NBPF3: variants seen among roughly 807,000 people sequenced by gnomAD.
NBPF3 encodes NBPF member 3, also known as NBPF family member NBPF3.
In NBPF3, 57 loss-of-function variants were observed where a neutral mutation model predicts 78.1. The ratio of observed to expected loss-of-function variants is 0.73; its 90% CI spans 0.59 to 0.91. The LOEUF (loss-of-function observed/expected upper bound fraction) is 0.91, where lower values mean the gene tolerates loss of function less well. Among genes scored for constraint, NBPF3 ranks in the 40% least tolerant of loss-of-function variants. The probability of loss-of-function intolerance (pLI) is 0.00; values close to 1 mark genes in which losing one functional copy is unlikely to be tolerated. For missense variants in NBPF3, 510 were observed against 715.3 expected, an observed-to-expected ratio of 0.71 and a Z score of 3.27; for synonymous variants, 182 against 271.7, an observed-to-expected ratio of 0.67 and a Z score of 3.25.
Position 21,484,323 on chromosome 1 carries a change from C to T in NBPF3, c.*937C>T, listed in dbSNP as rs1337499409. 5 of 141,980 alleles carry T rather than the reference C, an allele frequency of 3.5e-5. No individual in the cohort carries two copies. The highest frequency in any genetic ancestry group is 3.5e-3 in the Middle Eastern group (1 of 286). The allele number at this position is 141,980 out of a possible 1,614,324, so 8.8% of individuals were successfully genotyped here. A position where few individuals can be genotyped will look rare whatever the true frequency, so the allele number is the denominator to read the frequency against. On this transcript the variant is annotated 3_prime_UTR_variant, in exon 15 of 15. Transcript: ENST00000318249. Reference sequence around the variant, plus strand: ...CTACATTTCTTTAGTTATTTTGAACCCCAAATATTTCCTCATCTTTTTGTT... The same window carrying T: ...CTACATTTCTTTAGTTATTTTGAACTCCAAATATTTCCTCATCTTTTTGTT...
At position 21,480,326 on chromosome 1, in the gene NBPF3, C is replaced by A. The variant is rs573896206; in HGVS notation, c.1381+103C>A. Reference sequence around the variant, plus strand: ...CTTATTGACCCGAGAGATGTCATTGCCACAGGCAGGACCCGTGGGCGCATA... The same window carrying A: ...CTTATTGACCCGAGAGATGTCATTGACACAGGCAGGACCCGTGGGCGCATA... On this transcript the variant is annotated intron_variant, in intron 11 of 14. Transcript: ENST00000318249. 29 of 618,130 alleles carry A rather than the reference C, an allele frequency of 4.7e-5. 1 individual carries two copies. The African/African-American group carries it at 4.7e-4, about 10-fold the overall frequency. The allele number at this position is 618,130 out of a possible 1,614,324, so 38.3% of individuals were successfully genotyped here.
intron 1 of NBPF3, among the ~76,000 whole-genome samples, chr1:21,441,149 GTGT>G (rs1369592351): frequency 2.6e-5 from 4 of 152,214 alleles, no homozygotes; most frequent in Non-Finnish European, 4.4e-5. Flanking sequence ...TTGGGTTACG[GTGT>G]TGTTCATCCT....
chr1:21,438,357 AC>A (rs1205525816), upstream of NBPF3, among the ~76,000 whole-genome samples: 1 of 151,526 alleles, frequency 6.6e-6, no homozygotes, highest in African/African-American at 2.4e-5. Flanking sequence ...CAGGTGATCC[AC>A]CCGCTTCGGC....
At position 21,460,256 on chromosome 1, in the gene NBPF3, GA is replaced by G. The variant is rs980097036; in HGVS notation, c.134-8431del. Among the ~76,000 whole-genome samples the G allele has an allele frequency of 2.0e-5, 3 of 152,158 alleles. No homozygotes were observed. The highest frequency in any genetic ancestry group is 7.2e-5 in the African/African-American group (3 of 41,430). On this transcript the variant is annotated intron_variant, in intron 2 of 14. Coordinates refer to ENST00000318249, the MANE Select transcript of NBPF3 (RefSeq NM_032264.6). This position sits in a 1 kb window ranked among gnomAD's most constrained non-coding sequence, Gnocchi z 4.2. ...ATATTTATTATACTTTAAGTTCTAGGATACTTGTGCACAACGTGCAGGTTTG... is the reference window on the plus strand; with the variant it reads ...ATATTTATTATACTTTAAGTTCTAGGTACTTGTGCACAACGTGCAGGTTTG...
chr1:21,465,472 A>G (rs966155800), intron 2 of NBPF3, among the ~76,000 whole-genome samples: 2 of 152,260 alleles, frequency 1.3e-5, no homozygotes, highest in Admixed American at 6.5e-5. Context: ...GCTGCATCAC[A>G]TCATTCCAAA....
intron 3 of NBPF3, among the ~76,000 whole-genome samples, chr1:21,469,598 G>A (rs1450474172): frequency 3.3e-5 from 5 of 152,078 alleles, no homozygotes; most frequent in Non-Finnish European, 7.4e-5. Context: ...GGTGGCGGGC[G>A]CCTGTAATCC....
intron 2 of NBPF3, among the ~76,000 whole-genome samples, chr1:21,459,434 C>CT (rs1351978902): frequency 6.6e-6 from 1 of 152,110 alleles, no homozygotes; most frequent in Non-Finnish European, 1.5e-5. Flanking sequence ...TTAGTAGAAT[C>CT]TTTTTTATTC....
rs112045051 is a variant in NBPF3, at chr1:21,449,202, G to A, written c.133+3983G>A. ...TATATTTACATTTTCATGTGTTTGG[G>A]ACTTTATATAGTGGACTATTGTGTT... On this transcript the variant is annotated intron_variant, in intron 2 of 14. Transcript: ENST00000318249. 1.7e-3 allele frequency among the ~76,000 whole-genome samples: 260 copies of A among 152,180 alleles called. 1 individual carries two copies. Among genetic ancestry groups the A allele is most frequent in the Non-Finnish European group, 2.6e-3 (174 of 68,004 alleles).
At position 21,473,597 on chromosome 1, in the gene NBPF3, T is replaced by A; in HGVS notation, c.940+12T>A. The A allele has an allele frequency of 6.2e-7, 1 of 1,608,796 alleles. No individual in the cohort carries two copies. The highest frequency in any genetic ancestry group is 1.7e-5 in the Admixed American group (1 of 60,020). ...ATGCATTATCCCAGGTAGCCTCTAT[T>A]TTCCTGTGTCTCACACCTTTTCCTA... On this transcript the variant is annotated intron_variant, in intron 7 of 14. Transcript: ENST00000318249.
At chr1:21,459,218 A>C (rs1272079963) in intron 2 of NBPF3, among the ~76,000 whole-genome samples, 1 of 152,218 alleles carries the variant, frequency 6.6e-6, no homozygotes, top group Non-Finnish European at 1.5e-5. Context: ...AGCTAATTTC[A>C]AAATATATTT....
At chr1:21,463,296 G>A (rs12070706) in intron 2 of NBPF3, among the ~76,000 whole-genome samples, 7,067 of 152,166 alleles carry the variant, frequency 0.046, 417 homozygotes, top group African/African-American at 0.14. Context: ...CAACTGGGTC[G>A]GGTTAAGGCC....
chr1:21,479,386 G>A lies in NBPF3; in HGVS notation c.1194G>A (p.Glu398=). 6.2e-7 allele frequency: 1 copy of A among 1,611,026 alleles called. No individual in the cohort carries two copies. Among genetic ancestry groups the A allele is most frequent in the Non-Finnish European group, 8.5e-7 (1 of 1,178,482 alleles). The change falls in exon 10 of 15, where the codon GAG becomes GAA. Residue 398 remains glutamate, a synonymous_variant. Coordinates refer to ENST00000318249, the MANE Select transcript of NBPF3 (RefSeq NM_032264.6). The part of the protein sequence containing the change: ...WCDQVKKEDQ[E]ATSPRLSREL... Reference sequence around the variant, plus strand: ...ATCAAGTGAAAAAGGAGGACCAAGAGGCCACAAGTCCCAGGTGAGTCTGAG... The same window carrying A: ...ATCAAGTGAAAAAGGAGGACCAAGAAGCCACAAGTCCCAGGTGAGTCTGAG...
chr1:21,457,852 C>T (rs1460188917), intron 2 of NBPF3, among the ~76,000 whole-genome samples: 2 of 152,116 alleles, frequency 1.3e-5, no homozygotes, highest in Non-Finnish European at 2.9e-5. Context: ...GGCCCAGTAA[C>T]GAGATGCAGA....
intron 1 of NBPF3, among the ~76,000 whole-genome samples, chr1:21,442,771 C>T (rs1225532492): frequency 6.6e-6 from 1 of 152,040 alleles, no homozygotes; most frequent in Non-Finnish European, 1.5e-5. Flanking sequence ...AAGTGATCCT[C>T]CCACCTCAGC....
chr1:21,458,831 G>T (rs1376969742), intron 2 of NBPF3, among the ~76,000 whole-genome samples: 1 of 152,224 alleles, frequency 6.6e-6, no homozygotes, highest in Non-Finnish European at 1.5e-5. Flanking sequence ...GGTTGTGGCA[G>T]TAGTTCCATT....
chr1:21,438,582 G>C (rs1407962621), upstream of NBPF3, among the ~76,000 whole-genome samples: 1 of 152,206 alleles, frequency 6.6e-6, no homozygotes, highest in African/African-American at 2.4e-5. Context: ...AGTGCTCACT[G>C]AATGTTAGCT....
At chr1:21,479,911 A>G in intron 10 of NBPF3, 140 bp from the exon 11 acceptor site, 1 of 701,230 alleles carries the variant, frequency 1.4e-6, no homozygotes, top group Non-Finnish European at 2.7e-6. Flanking sequence ...TCCCAACATG[A>G]AGGCAATAAT....
At chr1:21,446,956 G>A (rs1405488853) in intron 2 of NBPF3, among the ~76,000 whole-genome samples, 1 of 152,210 alleles carries the variant, frequency 6.6e-6, no homozygotes, top group East Asian at 1.9e-4. Flanking sequence ...GCACCGCAGG[G>A]TTAGAGGTAA....
intron 2 of NBPF3, among the ~76,000 whole-genome samples, chr1:21,465,868 G>T (rs991935848): frequency 5.3e-5 from 8 of 152,218 alleles, no homozygotes; most frequent in African/African-American, 1.7e-4. Context: ...CAAGAAACTA[G>T]AAATTTAGCA....
Sources: allele counts gnomAD v4.1 joint callset (sites outside exome capture counted in the v4.1 genomes callset), GRCh38; gene constraint gnomAD v4.1.1; non-coding constraint Gnocchi (gnomAD v3.1); transcripts MANE v1.5; gene names NCBI Gene and HGNC (gene_info 2026-07-23, HGNC 2026-07-21).